Variants in SOX13 observed in about 807,000 individuals in gnomAD.
The protein encoded by SOX13 is transcription factor SOX-13.
SOX13 carries 28 observed loss-of-function variants against 71.8 expected under a neutral mutation model. The ratio of observed to expected loss-of-function variants is 0.39; its 90% CI spans 0.29 to 0.53. The LOEUF is 0.53. SOX13 is among the 20% of genes least tolerant of loss of function. The probability of loss-of-function intolerance (pLI) is 0.70; values close to 1 mark genes in which losing one functional copy is unlikely to be tolerated. For missense variants in SOX13, 627 were observed against 810.3 expected, an observed-to-expected ratio of 0.77 and a Z score of 2.75; for synonymous variants, 309 against 317.8, an observed-to-expected ratio of 0.97 and a Z score of 0.29.
intron 1 of SOX13, among the ~76,000 whole-genome samples, chr1:204,111,916 A>C (rs570476588): frequency 3.3e-5 from 5 of 152,308 alleles, no homozygotes; most frequent in African/African-American, 1.2e-4. Flanking sequence ...TGTAAGAAGA[A>C]GACTATATGT....
At position 204,126,328 on chromosome 1, in the gene SOX13, G is replaced by C. The variant is rs1257843308; in HGVS notation, c.*194G>C. On this transcript the variant is annotated 3_prime_UTR_variant, in exon 14 of 14. Transcript: ENST00000367204. Reference sequence around the variant, plus strand: ...CCTTCCTGAGGAGCTGTTGGCCTGGGTGGGCAGGAACTGCAGTATGGCCAT... The same window carrying C: ...CCTTCCTGAGGAGCTGTTGGCCTGGCTGGGCAGGAACTGCAGTATGGCCAT... 1.4e-5 allele frequency: 9 copies of C among 652,192 alleles called. No individual in the cohort carries two copies. The highest frequency in any genetic ancestry group is 8.4e-5 in the Admixed American group (3 of 35,562). The allele number at this position is 652,192 out of a possible 1,614,324, so 40.4% of individuals were successfully genotyped here.
In SOX13 at chr1:204,114,452, TAGAAGC is replaced by T; in HGVS notation, c.331+24_331+29del. ...AAGAAGGTAGGATGTCTGCCCTAGTTAGAAGCAGAGGCCTGAGGCAGGGAGGTGTTA... is the reference window on the plus strand; with the variant it reads ...AAGAAGGTAGGATGTCTGCCCTAGTTAGAGGCCTGAGGCAGGGAGGTGTTA... On this transcript the variant is annotated intron_variant, in intron 3 of 13. Transcript: ENST00000367204. 6.2e-7 allele frequency: 1 copy of T among 1,605,578 alleles called. No individual in the cohort carries two copies. Among genetic ancestry groups the T allele is most frequent in the Non-Finnish European group, 8.5e-7 (1 of 1,172,306 alleles).
At chr1:204,098,427 T>C (rs1017462422) in intron 1 of SOX13, among the ~76,000 whole-genome samples, 3 of 151,600 alleles carry the variant, frequency 2.0e-5, no homozygotes, top group African/African-American at 7.3e-5. Context: ...TGTAGTGAGC[T>C]GAGATGGTGC....
intron 1 of SOX13, among the ~76,000 whole-genome samples, chr1:204,099,966 A>C (rs761107290): frequency 3.0e-4 from 46 of 152,094 alleles, no homozygotes; most frequent in Non-Finnish European, 4.6e-4. Flanking sequence ...ACATAGCAAG[A>C]CCCTGTCACT....
At chr1:204,097,298 G>A (rs1656271119) in intron 1 of SOX13, among the ~76,000 whole-genome samples, 1 of 152,212 alleles carries the variant, frequency 6.6e-6, no homozygotes, top group African/African-American at 2.4e-5. Flanking sequence ...AAGATGTGCA[G>A]CCATTAAATA....
Position 204,125,800 on chromosome 1 carries a change from T to C in SOX13, c.1593-58T>C. 12 of 1,552,228 alleles carry C rather than the reference T, an allele frequency of 7.7e-6. No individual in the cohort carries two copies. The South Asian group carries it at 9.5e-5, about 12-fold the overall frequency. On this transcript the variant is annotated intron_variant, in intron 13 of 13. Coordinates refer to ENST00000367204, the MANE Select transcript of SOX13 (RefSeq NM_005686.3). ...GCTCTGAGGAGGCCTGGAGGGGAGA[T>C]GGGTTTGGGGTTGAATCAAGTGTGC...
intron 7 of SOX13, among the ~76,000 whole-genome samples, chr1:204,121,221 T>C (rs1207348594): frequency 6.6e-6 from 1 of 152,116 alleles, no homozygotes; most frequent in Admixed American, 6.5e-5. Flanking sequence ...ACTCCTGACC[T>C]TGTGATCCAC....
At chr1:204,121,753 G>T in intron 7 of SOX13, 147 bp from the exon 8 acceptor site, 1 of 703,526 alleles carries the variant, frequency 1.4e-6, no homozygotes. Flanking sequence ...TCCAAGCAGT[G>T]CTTTGGGGCT....
chr1:204,112,527 A>ACACACACACT (rs34093119), intron 1 of SOX13, among the ~76,000 whole-genome samples: 43,861 of 147,630 alleles, frequency 0.3, 7,753 homozygotes, highest in Middle Eastern at 0.41. Context: ...ACACACACAC[A>ACACACACACT]CTTTCTCTCT....
intron 1 of SOX13, among the ~76,000 whole-genome samples, chr1:204,088,395 C>T (rs148943605): frequency 5.3e-5 from 8 of 152,250 alleles, no homozygotes; most frequent in Non-Finnish European, 1.2e-4. Context: ...AGAAAGAGAG[C>T]GAGGCAGAAA....
intron 1 of SOX13, among the ~76,000 whole-genome samples, chr1:204,085,415 A>G (rs1327835811): frequency 1.3e-5 from 2 of 152,214 alleles, no homozygotes; most frequent in Non-Finnish European, 2.9e-5. Context: ...GATGCCTGTT[A>G]TTGTCCCTCT....
At chr1:204,092,439 C>T (rs1656166593) in intron 1 of SOX13, among the ~76,000 whole-genome samples, 1 of 152,174 alleles carries the variant, frequency 6.6e-6, no homozygotes, top group African/African-American at 2.4e-5. Flanking sequence ...GACTTGGCCT[C>T]CCAAAGTGCT....
chr1:204,085,823 C>CA (rs1022747250), intron 1 of SOX13, among the ~76,000 whole-genome samples: 3 of 151,274 alleles, frequency 2.0e-5, no homozygotes, highest in African/African-American at 7.3e-5. Context: ...AAAAAAAATA[C>CA]AAAAAAATTA....
chr1:204,110,263 G>A (rs972069049), intron 1 of SOX13, among the ~76,000 whole-genome samples: 2 of 151,338 alleles, frequency 1.3e-5, no homozygotes, highest in South Asian at 2.1e-4. Context: ...GAGTAGCGAG[G>A]ACTATAGGCG....
intron 13 of SOX13, 29 bp from the exon 14 acceptor site, chr1:204,125,829 C>A: frequency 6.3e-7 from 1 of 1,595,348 alleles, no homozygotes; most frequent in Non-Finnish European, 8.5e-7. Context: ...AGTGTGCATC[C>A]ATCACCGTTC....
intron 1 of SOX13, among the ~76,000 whole-genome samples, chr1:204,109,063 C>G (rs1490541141): frequency 2.6e-5 from 4 of 152,218 alleles, no homozygotes; most frequent in African/African-American, 9.6e-5. Context: ...CCCGGATGGG[C>G]TGAGCCGCCT....
chr1:204,112,090 A>G (rs1215338322), intron 1 of SOX13, among the ~76,000 whole-genome samples: 1 of 152,194 alleles, frequency 6.6e-6, no homozygotes, highest in Non-Finnish European at 1.5e-5. Context: ...TAGAAGTTCA[A>G]ATCTAGATTT....
At chr1:204,125,568 A>T (rs1028989131) in intron 13 of SOX13, among the ~76,000 whole-genome samples, 1 of 152,202 alleles carries the variant, frequency 6.6e-6, no homozygotes, top group East Asian at 1.9e-4. Context: ...GTCTCTAAAT[A>T]TAAGTAAACA....
At chr1:204,119,724 C>G (rs1333442835) in intron 7 of SOX13, 1 of 152,180 alleles carries the variant, frequency 6.6e-6, no homozygotes, top group Non-Finnish European at 1.5e-5. Context: ...CTAATCTCAC[C>G]TAGGCCAGGC....
Sources: gnomAD v4.1 joint callset for allele counts (sites outside exome capture counted in the v4.1 genomes callset) on GRCh38, gnomAD v4.1.1 for gene constraint, MANE v1.5 for transcripts, NCBI Gene and HGNC (gene_info 2026-07-23, HGNC 2026-07-21) for gene names.